ELAPOR1: variants seen among roughly 807,000 people sequenced by gnomAD.
The protein encoded by ELAPOR1 is endosome/lysosome-associated apoptosis and autophagy regulator 1.
Under a neutral mutation model 119.7 loss-of-function variants are expected in ELAPOR1, and 77 were observed. The ratio of observed to expected loss-of-function variants is 0.64; its 90% CI spans 0.54 to 0.78. The LOEUF (loss-of-function observed/expected upper bound fraction) is 0.78, where lower values mean the gene tolerates loss of function less well. Ranked by LOEUF, ELAPOR1 falls within the 30% of genes least tolerant of loss-of-function variation. The probability of loss-of-function intolerance (pLI) is 0.00; values close to 1 mark genes in which losing one functional copy is unlikely to be tolerated. For synonymous variants in ELAPOR1, 481 were observed against 487.2 expected (o/e 0.99, Z 0.17); for missense variants, 1,115 against 1,270.4 (o/e 0.88, Z 1.86).
chr1:109,161,409 CAAAAAAAAAAAA>C (rs59573644), intron 1 of ELAPOR1, among the ~76,000 whole-genome samples: 3 of 56,332 alleles, frequency 5.3e-5, no homozygotes, highest in Non-Finnish European at 3.5e-5. Flanking sequence ...GACTCCGTCT[CAAAAAAAAAAAA>C]AAAAAAAAAA....
intron 1 of ELAPOR1, 127 bp downstream of exon 1, chr1:109,114,463 G>A (rs1043121509): frequency 5.2e-6 from 6 of 1,149,166 alleles, no homozygotes; most frequent in Non-Finnish European, 7.2e-6. Context: ...GGGATGAGGC[G>A]TGGGGGGAGG....
intron 1 of ELAPOR1, among the ~76,000 whole-genome samples, chr1:109,151,043 T>C (rs1650504173): frequency 6.6e-6 from 1 of 152,172 alleles, no homozygotes; most frequent in Non-Finnish European, 1.5e-5. Flanking sequence ...TGGGCAATGA[T>C]CCATGGGCCA....
chr1:109,183,025 C>A (rs1005520275), intron 7 of ELAPOR1, among the ~76,000 whole-genome samples: 41 of 152,272 alleles, frequency 2.7e-4, no homozygotes, highest in East Asian at 1.3e-3. Flanking sequence ...TTGTAATGTG[C>A]ACCTCATAAA....
chr1:109,193,829 CT>C, intron 14 of ELAPOR1, among the ~76,000 whole-genome samples: 1 of 152,212 alleles, frequency 6.6e-6, no homozygotes, highest in African/African-American at 2.4e-5. Context: ...CACAACCTTC[CT>C]TCCCTGGAGC....
At chr1:109,118,935 A>C (rs1336447885) in intron 1 of ELAPOR1, among the ~76,000 whole-genome samples, 2 of 134,508 alleles carry the variant, frequency 1.5e-5, no homozygotes, top group Non-Finnish European at 3.0e-5. Context: ...TCTCGCTCTG[A>C]TGCCCAGGCT....
chr1:109,163,349 T>G (rs1436680856), intron 2 of ELAPOR1, among the ~76,000 whole-genome samples: 1 of 152,006 alleles, frequency 6.6e-6, no homozygotes, highest in Non-Finnish European at 1.5e-5. Flanking sequence ...CAAAAGGGAG[T>G]GCCTGTTTAT....
At chr1:109,196,719 T>C (rs1386024740) in intron 15 of ELAPOR1, among the ~76,000 whole-genome samples, 1 of 151,798 alleles carries the variant, frequency 6.6e-6, no homozygotes, top group Non-Finnish European at 1.5e-5. Context: ...AGTCTCACTC[T>C]TTTGCCAGGC....
Position 109,144,055 on chromosome 1 carries a change from T to TATATATA in ELAPOR1, c.154-17839_154-17838insATATATA, listed in dbSNP as rs1558029151. 1.6e-3 allele frequency among the ~76,000 whole-genome samples: 101 copies of TATATATA among 64,310 alleles called. 2 individuals are homozygous for TATATATA. Among genetic ancestry groups the TATATATA allele is most frequent in the Non-Finnish European group, 2.1e-3 (69 of 32,636 alleles). 42.2% of individuals were successfully genotyped at this position (64,310 alleles called of 152,430 possible). A position where few individuals can be genotyped will look rare whatever the true frequency, so the allele number is the denominator to read the frequency against. On this transcript the variant is annotated intron_variant, in intron 1 of 21. Coordinates refer to ENST00000369939, the MANE Select transcript of ELAPOR1 (RefSeq NM_020775.5). Reference sequence around the variant, plus strand: ...AAATTATATATATATATATATATATTTATATATTTTTTTTTTTTTTTGAGA... The same window carrying TATATATA: ...AAATTATATATATATATATATATATTATATATATATATATTTTTTTTTTTTTTTGAGA...
intron 1 of ELAPOR1, among the ~76,000 whole-genome samples, chr1:109,160,067 A>G (rs1227946809): frequency 2.0e-5 from 3 of 152,198 alleles, no homozygotes; most frequent in Non-Finnish European, 2.9e-5. Flanking sequence ...GGCACAAAGA[A>G]TTCCCATCCT....
chr1:109,138,326 C>T (rs1649603419), intron 1 of ELAPOR1, among the ~76,000 whole-genome samples: 1 of 152,158 alleles, frequency 6.6e-6, no homozygotes, highest in South Asian at 2.1e-4. Flanking sequence ...AGAGAATGGC[C>T]TGTGTTTTTA....
In ELAPOR1 at chr1:109,191,862, C is replaced by A; in HGVS notation, c.1682C>A (p.Ala561Glu). 1.2e-6 allele frequency: 2 copies of A among 1,614,122 alleles called. No individual in the cohort carries two copies. Among genetic ancestry groups the A allele is most frequent in the Non-Finnish European group, 1.7e-6 (2 of 1,179,984 alleles). ...WAFQRTTFHE[A>E]SRKYTNDVAK... ...TTCCAGAGGACCACTTTTCATGAGG[C>A]AGTAAGTTCCTCCCCTTCCTCAGAC... The change falls in exon 13 of 22, where the codon GCA becomes GAA. Residue 561 changes from alanine to glutamate, a missense_variant and splice_region_variant. Coordinates refer to ENST00000369939, the MANE Select transcript of ELAPOR1 (RefSeq NM_020775.5).
intron 1 of ELAPOR1, among the ~76,000 whole-genome samples, chr1:109,148,135 C>A (rs1012936133): frequency 1.3e-5 from 2 of 149,986 alleles, no homozygotes; most frequent in Non-Finnish European, 3.0e-5. Context: ...CCGCACCTGG[C>A]CTATTTTATT....
At chr1:109,139,168 T>A (rs1201067495) in intron 1 of ELAPOR1, among the ~76,000 whole-genome samples, 2 of 151,808 alleles carry the variant, frequency 1.3e-5, no homozygotes, top group South Asian at 4.2e-4. Flanking sequence ...CTGGGTAACA[T>A]GGCAATACCC....
rs17568162 is a variant in ELAPOR1 at position 109,162,442 on chromosome 1, C to T, written c.274+428C>T. On this transcript the variant is annotated intron_variant, in intron 2 of 21. Coordinates refer to ENST00000369939, the MANE Select transcript of ELAPOR1 (RefSeq NM_020775.5). ...CAGAGAGGCTAAGTTTCTGCAGAGA[C>T]GTCCTTTAAAATGCTCCAGGCATCA... Among the ~76,000 whole-genome samples the T allele has an allele frequency of 7.8e-3, 1,182 of 152,304 alleles. 17 individuals are homozygous for T. The highest frequency in any genetic ancestry group is 0.022 in the African/African-American group (909 of 41,562).
intron 1 of ELAPOR1, among the ~76,000 whole-genome samples, chr1:109,145,989 T>C (rs1353354350): frequency 6.6e-6 from 1 of 152,142 alleles, no homozygotes; most frequent in Non-Finnish European, 1.5e-5. Flanking sequence ...TCAAAGAGAA[T>C]ATGTCTAAGA....
At chr1:109,132,953 G>A (rs1649238877) in intron 1 of ELAPOR1, among the ~76,000 whole-genome samples, 1 of 152,158 alleles carries the variant, frequency 6.6e-6, no homozygotes, top group African/African-American at 2.4e-5. Context: ...CTTAGGATCA[G>A]GTATGGTGGT....
chr1:109,144,940 T>C (rs1368930257), intron 1 of ELAPOR1, among the ~76,000 whole-genome samples: 3 of 152,182 alleles, frequency 2.0e-5, no homozygotes, highest in Non-Finnish European at 4.4e-5. Context: ...ACCAAACATA[T>C]ATTATATATC....
chr1:109,160,899 T>A (rs1651206484), intron 1 of ELAPOR1, among the ~76,000 whole-genome samples: 1 of 152,210 alleles, frequency 6.6e-6, no homozygotes, highest in African/African-American at 2.4e-5. Flanking sequence ...AACTGTTTGT[T>A]GTTGTTGTTT....
At chr1:109,167,868 C>T (rs1441362805) in intron 3 of ELAPOR1, among the ~76,000 whole-genome samples, 1 of 152,186 alleles carries the variant, frequency 6.6e-6, no homozygotes, top group Non-Finnish European at 1.5e-5. Context: ...CTCAACCTCC[C>T]AAAGTACTGG....
Sources: gnomAD v4.1 joint callset for allele counts (sites outside exome capture counted in the v4.1 genomes callset) on GRCh38, gnomAD v4.1.1 for gene constraint, MANE v1.5 for transcripts, NCBI Gene and HGNC (gene_info 2026-07-23, HGNC 2026-07-21) for gene names.